EXOC6B: variants seen among roughly 807,000 people sequenced by gnomAD.
The protein encoded by EXOC6B is exocyst complex component 6B.
In EXOC6B, 54 loss-of-function variants were observed where a neutral mutation model predicts 113.5. The ratio of observed to expected loss-of-function variants is 0.48; its 90% CI spans 0.38 to 0.60. The LOEUF (loss-of-function observed/expected upper bound fraction) is 0.60. EXOC6B is among the 20% of genes least tolerant of loss of function. The probability of loss-of-function intolerance (pLI) is 0.00; values close to 1 mark genes in which losing one functional copy is unlikely to be tolerated. For synonymous variants in EXOC6B, 357 were observed against 339.0 expected (o/e 1.05, Z -0.58); for missense variants, 797 against 977.5 (o/e 0.82, Z 2.46).
At chr2:72,195,188 T>C (rs1481462244) in intron 20 of EXOC6B, among the ~76,000 whole-genome samples, 1 of 152,220 alleles carries the variant, frequency 6.6e-6, no homozygotes, top group Non-Finnish European at 1.5e-5. Context: ...GATTCTCCTG[T>C]TGTTACCAGC....
chr2:72,209,518 A>C (rs1680053095), intron 20 of EXOC6B, among the ~76,000 whole-genome samples: 1 of 152,044 alleles, frequency 6.6e-6, no homozygotes, highest in African/African-American at 2.4e-5. Context: ...TGTCTCCAAA[A>C]ATTTTTTTTT....
intron 6 of EXOC6B, among the ~76,000 whole-genome samples, chr2:72,668,852 C>T (rs1479412009): frequency 7.2e-5 from 11 of 151,930 alleles, no homozygotes; most frequent in Non-Finnish European, 2.9e-5. Flanking sequence ...TTCAGTTATA[C>T]CCCAAATCTC....
chr2:72,773,705 G>C (rs1683537397), intron 1 of EXOC6B, among the ~76,000 whole-genome samples: 1 of 151,946 alleles, frequency 6.6e-6, no homozygotes, highest in South Asian at 2.1e-4. Context: ...AAAACAAATA[G>C]TTAAAATAGT....
At chr2:72,291,591 G>A (rs1418305923) in intron 20 of EXOC6B, among the ~76,000 whole-genome samples, 1 of 152,144 alleles carries the variant, frequency 6.6e-6, no homozygotes, top group Admixed American at 6.6e-5. Context: ...TGTTTTCACT[G>A]TGGTGTGCCT....
chr2:72,633,061 A>AT (rs1196175062), intron 6 of EXOC6B, among the ~76,000 whole-genome samples: 2 of 152,174 alleles, frequency 1.3e-5, no homozygotes, highest in African/African-American at 4.8e-5. Context: ...ACTCATTAAC[A>AT]TTTTTGTTTT....
intron 18 of EXOC6B, among the ~76,000 whole-genome samples, chr2:72,453,883 T>A (rs1697052594): frequency 6.6e-6 from 1 of 152,186 alleles, no homozygotes; most frequent in Non-Finnish European, 1.5e-5. Flanking sequence ...AGAAGTTTAA[T>A]TGACTCACAA....
At chr2:72,730,152 G>C (rs962691629) in intron 5 of EXOC6B, among the ~76,000 whole-genome samples, 11 of 152,138 alleles carry the variant, frequency 7.2e-5, no homozygotes, top group Non-Finnish European at 1.5e-4. Context: ...ACATACAGAA[G>C]AGAAATCCTC....
chr2:72,753,424 G>T (rs1042758331), intron 1 of EXOC6B, among the ~76,000 whole-genome samples: 1 of 151,722 alleles, frequency 6.6e-6, no homozygotes, highest in Non-Finnish European at 1.5e-5. Context: ...AAGACCTACC[G>T]CTTCTAATTA....
chr2:72,643,905 C>T (rs990794915), intron 6 of EXOC6B, among the ~76,000 whole-genome samples: 4 of 152,016 alleles, frequency 2.6e-5, no homozygotes, highest in Non-Finnish European at 5.9e-5. Flanking sequence ...CAAAGGATCA[C>T]AGTTCCTTGC....
chr2:72,642,243 C>T (rs1226658705), intron 6 of EXOC6B, among the ~76,000 whole-genome samples: 1 of 149,898 alleles, frequency 6.7e-6, no homozygotes, highest in Admixed American at 6.7e-5. Context: ...TGACTTTCTT[C>T]ACAGAATTGG....
chr2:72,810,622 C>T (rs80155092), intron 1 of EXOC6B, among the ~76,000 whole-genome samples: 7,928 of 151,756 alleles, frequency 0.052, 687 homozygotes, highest in African/African-American at 0.18. Context: ...GGACAGACAT[C>T]AATAAAATTT....
intron 6 of EXOC6B, among the ~76,000 whole-genome samples, chr2:72,666,132 A>G (rs1445810282): frequency 6.6e-6 from 1 of 152,166 alleles, no homozygotes; most frequent in African/African-American, 2.4e-5. Flanking sequence ...ATTCAACAAG[A>G]CTTAACTATC....
At chr2:72,668,274 G>A (rs1158992491) in intron 6 of EXOC6B, among the ~76,000 whole-genome samples, 1 of 152,110 alleles carries the variant, frequency 6.6e-6, no homozygotes, top group East Asian at 1.9e-4. Flanking sequence ...ACAGATGTTG[G>A]TGAGTCTGCA....
rs529574376 is a variant in EXOC6B at position 72,740,843 on chromosome 2, C to CT, written c.279+460dup. On this transcript the variant is annotated intron_variant, in intron 2 of 21. Transcript: ENST00000272427. ...CTTGGCTGGGCGTGGTGGCTCACGC[C>CT]TGTAATCCCAGCACCTTGGGAGGCC... Among the ~76,000 whole-genome samples the CT allele has an allele frequency of 1.2e-4, 18 of 152,258 alleles. No individual in the cohort carries two copies. The East Asian group carries it at 3.3e-3, about 28-fold the overall frequency.
At chr2:72,196,841 T>A (rs921516921) in intron 20 of EXOC6B, among the ~76,000 whole-genome samples, 1 of 152,234 alleles carries the variant, frequency 6.6e-6, no homozygotes, top group Non-Finnish European at 1.5e-5. Flanking sequence ...ACTTCAAGTC[T>A]ACTTTGGACA....
intron 6 of EXOC6B, among the ~76,000 whole-genome samples, chr2:72,640,463 G>A (rs1294760274): frequency 2.0e-5 from 3 of 152,132 alleles, no homozygotes; most frequent in Non-Finnish European, 2.9e-5. Context: ...CCATGAGAAC[G>A]TCCCCAACCT....
chr2:72,478,279 G>A (rs1426951530), intron 17 of EXOC6B, among the ~76,000 whole-genome samples: 1 of 152,136 alleles, frequency 6.6e-6, no homozygotes, highest in South Asian at 2.1e-4. Context: ...GGAAAGCTAA[G>A]GACGCCAGCT....
At chr2:72,468,595 T>C (rs908593215) in intron 17 of EXOC6B, among the ~76,000 whole-genome samples, 2 of 152,210 alleles carry the variant, frequency 1.3e-5, no homozygotes, top group Non-Finnish European at 2.9e-5. Context: ...AGCTTTGTTC[T>C]TTCTGCTCAA....
chr2:72,799,045 C>T (rs1216516215), intron 1 of EXOC6B, among the ~76,000 whole-genome samples: 2 of 151,680 alleles, frequency 1.3e-5, no homozygotes, highest in Non-Finnish European at 2.9e-5. Context: ...TTAAGACCAG[C>T]CTGGGCACAC....
Sources: gnomAD v4.1 joint callset for allele counts (sites outside exome capture counted in the v4.1 genomes callset) on GRCh38, gnomAD v4.1.1 for gene constraint, MANE v1.5 for transcripts, NCBI Gene and HGNC (gene_info 2026-07-23, HGNC 2026-07-21) for gene names.